Variants in FGF13 observed in about 807,000 individuals in gnomAD.
The protein encoded by FGF13 is fibroblast growth factor 13, also known as fibroblast growth factor homologous factor 2.
FGF13 carries 2 observed loss-of-function variants against 19.5 expected under a neutral mutation model. The observed-to-expected ratio is 0.10, with a 90% confidence interval of 0.04 to 0.32. The LOEUF is 0.32. Ranked by LOEUF, FGF13 falls within the 10% of genes least tolerant of loss-of-function variation. The probability of loss-of-function intolerance (pLI) is 1.00; values close to 1 mark genes in which losing one functional copy is unlikely to be tolerated. For synonymous variants in FGF13, 72 were observed against 76.9 expected, an observed-to-expected ratio of 0.94 and a Z score of 0.33; for missense variants, 113 against 192.7, an observed-to-expected ratio of 0.59 and a Z score of 2.45.
chrX:138,980,094 C>T (rs886376370), intron 1 of FGF13, among the ~76,000 whole-genome samples: 1 of 112,012 alleles, frequency 8.9e-6, no homozygotes, highest in African/African-American at 3.2e-5. Flanking sequence ...AATGTATATA[C>T]ATATATCTCA....
intron 3 of FGF13, among the ~76,000 whole-genome samples, chrX:138,830,687 T>TTGTCTGTGTGTGTG (rs1199806084): frequency 1.2e-3 from 104 of 87,517 alleles, no homozygotes; most frequent in African/African-American, 4.0e-3. Flanking sequence ...AAAGGGGTGT[T>TTGTCTGTGTGTGTG]TGTGTGTGTG....
intron 1 of FGF13, among the ~76,000 whole-genome samples, chrX:138,731,788 A>G (rs2090233890): frequency 9.0e-6 from 1 of 110,712 alleles, no homozygotes; most frequent in African/African-American, 3.3e-5. Context: ...AAGATAGACC[A>G]AGAAAAGAGA....
intron 1 of FGF13, among the ~76,000 whole-genome samples, chrX:139,096,218 C>A (rs1320159349): frequency 9.0e-6 from 1 of 111,694 alleles, no homozygotes; most frequent in Non-Finnish European, 1.9e-5. Flanking sequence ...TAAAACAACA[C>A]AATACTTGCT....
chrX:138,821,446 T>C (rs751326516), intron 3 of FGF13, among the ~76,000 whole-genome samples: 227 of 112,158 alleles, frequency 2.0e-3, no homozygotes, highest in African/African-American at 7.1e-3. Flanking sequence ...TTTTCAGCTA[T>C]AAATGTGATG....
At chrX:138,943,835 G>A (rs933681497) in intron 1 of FGF13, among the ~76,000 whole-genome samples, 6 of 111,571 alleles carry the variant, frequency 5.4e-5, no homozygotes, top group African/African-American at 2.0e-4. Context: ...GACACTATTT[G>A]ACTTCCTGAG....
At chrX:138,775,583 C>T (rs1302016548) in intron 3 of FGF13, among the ~76,000 whole-genome samples, 1 of 111,910 alleles carries the variant, frequency 8.9e-6, no homozygotes, top group Non-Finnish European at 1.9e-5. Context: ...TCATTTAATT[C>T]TGCAAGTAAT....
intron 1 of FGF13, among the ~76,000 whole-genome samples, chrX:138,870,654 A>G (rs1185358996): frequency 2.7e-5 from 3 of 112,732 alleles, no homozygotes; most frequent in African/African-American, 9.7e-5. Flanking sequence ...GGTAGGCCCA[A>G]TGTAGTCACA....
chrX:138,848,976 G>A (rs1464394067), intron 3 of FGF13, among the ~76,000 whole-genome samples: 1 of 111,863 alleles, frequency 8.9e-6, no homozygotes, highest in African/African-American at 3.2e-5. Flanking sequence ...TCATGGATTG[G>A]TAACAAAGAA....
At chrX:138,792,322 G>C (rs753695766) in intron 3 of FGF13, among the ~76,000 whole-genome samples, 31 of 112,121 alleles carry the variant, frequency 2.8e-4, no homozygotes, top group Non-Finnish European at 4.3e-4. Flanking sequence ...CTTCAGATTA[G>C]GAAACTAAGG....
chrX:138,895,373 C>A (rs1364497905), intron 1 of FGF13, among the ~76,000 whole-genome samples: 1 of 111,662 alleles, frequency 9.0e-6, no homozygotes, highest in East Asian at 2.8e-4. Flanking sequence ...AAAAAGGAAA[C>A]CCCAAATCAT....
At chrX:138,871,906 C>T (rs908518387) in intron 1 of FGF13, among the ~76,000 whole-genome samples, 9 of 111,747 alleles carry the variant, frequency 8.1e-5, no homozygotes, top group African/African-American at 2.9e-4. Context: ...TTCTGACTGG[C>T]GGGCAGCCAC....
chrX:138,969,754 AT>A (rs1273083348), intron 1 of FGF13, among the ~76,000 whole-genome samples: 1 of 111,774 alleles, frequency 8.9e-6, no homozygotes, highest in East Asian at 2.8e-4. Flanking sequence ...AAGAAACTAA[AT>A]TTAAAAGTCT....
chrX:138,996,255 T>G (rs2092042249), intron 1 of FGF13, among the ~76,000 whole-genome samples: 2 of 112,424 alleles, frequency 1.8e-5, no homozygotes, highest in South Asian at 7.3e-4. Flanking sequence ...TGCAAGCAGT[T>G]GGGGGATTTC....
At chrX:139,016,008 C>T (rs1420941053) in intron 1 of FGF13, among the ~76,000 whole-genome samples, 1 of 111,279 alleles carries the variant, frequency 9.0e-6, no homozygotes, top group African/African-American at 3.3e-5. Flanking sequence ...TATCCATATG[C>T]AAAAGAATGA....
At chrX:138,997,538 A>G (rs2092049089) in intron 1 of FGF13, among the ~76,000 whole-genome samples, 1 of 111,855 alleles carries the variant, frequency 8.9e-6, no homozygotes, top group Non-Finnish European at 1.9e-5. Context: ...AGAACCATAC[A>G]CAAGTTTCAA....
At chrX:138,749,322 TACACACACACACACACACAC>T (rs34038080) in intron 3 of FGF13, among the ~76,000 whole-genome samples, 8 of 81,698 alleles carry the variant, frequency 9.8e-5, no homozygotes, top group South Asian at 7.2e-4. Flanking sequence ...GAGACCAAAA[TACACACACACACACACACAC>T]ACACACACAC....
At chrX:138,862,154 G>A (rs1238367817) in intron 2 of FGF13, among the ~76,000 whole-genome samples, 1 of 112,004 alleles carries the variant, frequency 8.9e-6, no homozygotes, top group Non-Finnish European at 1.9e-5. Flanking sequence ...AAAGCAACCA[G>A]AGACAGCCTA....
chrX:138,850,678 G>A (rs1246548040), intron 3 of FGF13, among the ~76,000 whole-genome samples: 1 of 112,031 alleles, frequency 8.9e-6, no homozygotes, highest in Non-Finnish European at 1.9e-5. Context: ...GAAATAAAAA[G>A]GTTGAGAACA....
intron 3 of FGF13, among the ~76,000 whole-genome samples, chrX:138,771,465 A>G (rs1389780904): frequency 1.8e-5 from 2 of 111,710 alleles, no homozygotes; most frequent in Non-Finnish European, 3.8e-5. Context: ...TTTGGGATCA[A>G]CTTATACTAA....
Sources: gnomAD v4.1 joint callset for allele counts (sites outside exome capture counted in the v4.1 genomes callset) on GRCh38, gnomAD v4.1.1 for gene constraint, MANE v1.5 for transcripts, NCBI Gene and HGNC (gene_info 2026-07-23, HGNC 2026-07-21) for gene names.